The following CNTN5 variants were observed in gnomAD, a reference collection of about 807,000 sequenced individuals.
CNTN5 encodes contactin 5, also known as contactin-5.
Under a neutral mutation model 129.1 loss-of-function variants are expected in CNTN5, and 77 were observed. The ratio of observed to expected loss-of-function variants is 0.60; its 90% CI spans 0.50 to 0.72. The LOEUF is 0.72. Among genes scored for constraint, CNTN5 ranks in the 30% least tolerant of loss-of-function variants. The pLI, the probability that CNTN5 is intolerant of heterozygous loss-of-function variation, is 0.00. For synonymous variants in CNTN5, 509 were observed against 465.6 expected, an observed-to-expected ratio of 1.09 and a Z score of -1.20; for missense variants, 1,478 against 1,328.8, an observed-to-expected ratio of 1.11 and a Z score of -1.75.
rs1262326695 is a variant in CNTN5, at chr11:99,962,404, A to G, written c.877+5395A>G. On this transcript the variant is annotated intron_variant, in intron 8 of 24. Transcript: ENST00000524871. Reference sequence around the variant, plus strand: ...TTCCCACCTATGAGTGAGAAGATGCAGTGTTTGGTTTTTTGTCCTTGCGAT... The same window carrying G: ...TTCCCACCTATGAGTGAGAAGATGCGGTGTTTGGTTTTTTGTCCTTGCGAT... Among the ~76,000 whole-genome samples, 8 of 149,722 alleles carry G rather than the reference A, an allele frequency of 5.3e-5. No homozygotes were observed. The East Asian group carries it at 8.1e-4, about 15-fold the overall frequency.
At position 99,663,806 on chromosome 11, in the gene CNTN5, T is replaced by C. The variant is rs541621153; in HGVS notation, c.55+107537T>C. ...CTTCCTGGGCATGCAAAAGTGTGAG[T>C]CAATTAAACCTCTTTTCTTTATACT... On this transcript the variant is annotated intron_variant, in intron 3 of 24. Transcript: ENST00000524871. Among the ~76,000 whole-genome samples, 3 of 152,282 alleles carry C rather than the reference T, an allele frequency of 2.0e-5. No homozygotes were observed. In the South Asian group the frequency reaches 6.2e-4, roughly 32 times the overall value.
intron 7 of CNTN5, among the ~76,000 whole-genome samples, chr11:99,947,826 T>G (rs1404062754): frequency 6.6e-6 from 1 of 152,160 alleles, no homozygotes; most frequent in Non-Finnish European, 1.5e-5. Flanking sequence ...CACCATAAAA[T>G]CTGCATAACA....
At chr11:99,398,355 C>T (rs528722724) in intron 2 of CNTN5, among the ~76,000 whole-genome samples, 1 of 152,050 alleles carries the variant, frequency 6.6e-6, no homozygotes, top group African/African-American at 2.4e-5. Context: ...ATTCTGCATT[C>T]CAACCTCCTG....
At chr11:99,095,583 G>C (rs939523675) in intron 1 of CNTN5, among the ~76,000 whole-genome samples, 1 of 151,866 alleles carries the variant, frequency 6.6e-6, no homozygotes, top group African/African-American at 2.4e-5. Flanking sequence ...ATAAACGTAG[G>C]AGAAGAGACA....
At chr11:99,291,382 A>T (rs1864164769) in intron 1 of CNTN5, among the ~76,000 whole-genome samples, 1 of 151,752 alleles carries the variant, frequency 6.6e-6, no homozygotes, top group Admixed American at 6.6e-5. Flanking sequence ...GTAGATAAAC[A>T]TAATATTAAA....
At chr11:99,483,542 C>T (rs1262606881) in intron 2 of CNTN5, among the ~76,000 whole-genome samples, 1 of 152,096 alleles carries the variant, frequency 6.6e-6, no homozygotes, top group East Asian at 1.9e-4. Context: ...GAAGCTGCTG[C>T]TCACCATTTT....
At chr11:99,497,987 A>G (rs1946290118) in intron 2 of CNTN5, among the ~76,000 whole-genome samples, 2 of 152,094 alleles carry the variant, frequency 1.3e-5, no homozygotes, top group Non-Finnish European at 2.9e-5. Context: ...GTTGATTTTG[A>G]CCAGAGATAT....
chr11:100,005,268 C>T (rs1565780475), intron 9 of CNTN5, among the ~76,000 whole-genome samples: 4 of 151,150 alleles, frequency 2.6e-5, no homozygotes, highest in African/African-American at 9.9e-5. Context: ...TTATCCTGTC[C>T]CCCCCACAAA....
chr11:99,355,277 T>C (rs1291854870), intron 2 of CNTN5, among the ~76,000 whole-genome samples: 1 of 152,198 alleles, frequency 6.6e-6, no homozygotes, highest in East Asian at 1.9e-4. Context: ...TTCTTTTTTG[T>C]TTCAATAGCA....
chr11:99,162,374 G>T (rs1201615557), intron 1 of CNTN5, among the ~76,000 whole-genome samples: 2 of 151,926 alleles, frequency 1.3e-5, no homozygotes, highest in East Asian at 1.9e-4. Flanking sequence ...AACTCCTGGT[G>T]CTTGAAGCTA....
At chr11:100,343,320 G>C (rs1450289837) in intron 23 of CNTN5, among the ~76,000 whole-genome samples, 1 of 152,120 alleles carries the variant, frequency 6.6e-6, no homozygotes, top group East Asian at 1.9e-4. Context: ...CCCTGAGAAG[G>C]AAGAATTGAT....
chr11:99,335,786 G>A (rs1285787864), intron 2 of CNTN5, among the ~76,000 whole-genome samples: 1 of 152,112 alleles, frequency 6.6e-6, no homozygotes, highest in Admixed American at 6.6e-5. Context: ...GTACTTGGTT[G>A]AACAAGCCTC....
At chr11:100,161,586 C>T (rs1240261987) in intron 13 of CNTN5, among the ~76,000 whole-genome samples, 1 of 151,314 alleles carries the variant, frequency 6.6e-6, no homozygotes, top group African/African-American at 2.4e-5. Flanking sequence ...ACTGACTTCA[C>T]ATAGACAGTA....
intron 13 of CNTN5, among the ~76,000 whole-genome samples, chr11:100,083,178 G>A (rs1249496029): frequency 6.6e-5 from 10 of 151,932 alleles, no homozygotes; most frequent in Admixed American, 2.6e-4. Flanking sequence ...TTAGCTGGGC[G>A]TGGTGGTGCA....
chr11:99,404,042 C>T (rs1388441806), intron 2 of CNTN5, among the ~76,000 whole-genome samples: 2 of 151,870 alleles, frequency 1.3e-5, no homozygotes, highest in Non-Finnish European at 2.9e-5. Context: ...GCTCTAGTAT[C>T]GGGTGCATAT....
intron 3 of CNTN5, among the ~76,000 whole-genome samples, chr11:99,719,715 A>T (rs934167977): frequency 6.6e-6 from 1 of 152,092 alleles, no homozygotes; most frequent in African/African-American, 2.4e-5. Context: ...AAGGAAATCG[A>T]GACACAAAAC....
At position 99,367,175 on chromosome 11, in the gene CNTN5, T is replaced by C. The variant is rs370514805; in HGVS notation, c.-71+41691T>C. 2.1e-4 allele frequency among the ~76,000 whole-genome samples: 32 copies of C among 152,296 alleles called. No individual in the cohort carries two copies. In the East Asian group the frequency reaches 2.5e-3, roughly 12 times the overall value. On this transcript the variant is annotated intron_variant, in intron 2 of 24. Coordinates refer to ENST00000524871, the MANE Select transcript of CNTN5 (RefSeq NM_014361.4). ...GTGAGGAGACAAATAACCAATATAA[T>C]GTAGTTGCTGTTTTACAGAACCTGC...
At chr11:99,375,532 A>G (rs1204709377) in intron 2 of CNTN5, among the ~76,000 whole-genome samples, 2 of 152,136 alleles carry the variant, frequency 1.3e-5, no homozygotes, top group African/African-American at 2.4e-5. Context: ...TTCTTGGATG[A>G]TATTTTTGTT....
At chr11:99,725,799 A>G (rs1360894059) in intron 3 of CNTN5, among the ~76,000 whole-genome samples, 1 of 152,156 alleles carries the variant, frequency 6.6e-6, no homozygotes, top group Non-Finnish European at 1.5e-5. Context: ...TGAATGGTCC[A>G]GTGGTAAATT....
Sources: gnomAD v4.1 joint callset for allele counts (sites outside exome capture counted in the v4.1 genomes callset) on GRCh38, gnomAD v4.1.1 for gene constraint, MANE v1.5 for transcripts, NCBI Gene and HGNC (gene_info 2026-07-23, HGNC 2026-07-21) for gene names.